DOCK1: variants seen among roughly 807,000 people sequenced by gnomAD.
The protein encoded by DOCK1 is dedicator of cytokinesis 1.
A neutral mutation model predicts 262.7 loss-of-function variants in DOCK1; 138 were observed. The observed-to-expected ratio is 0.53, with a 90% CI of 0.46 to 0.61. The LOEUF is 0.61. DOCK1 is among the 20% of genes least tolerant of loss of function. The pLI is 0.00. For missense variants in DOCK1, 1,908 were observed against 2,370.7 expected (o/e 0.80, Z 4.05); for synonymous variants, 866 against 867.4 (o/e 1.00, Z 0.03).
chr10:127,091,148 A>AT (rs574872380), intron 23 of DOCK1, among the ~76,000 whole-genome samples: 153 of 151,358 alleles, frequency 1.0e-3, no homozygotes, highest in Non-Finnish European at 1.8e-3. Flanking sequence ...CACCTGGCTA[A>AT]TTTTTTTTGC....
At chr10:127,128,308 C>CA (rs1322430257) in intron 27 of DOCK1, among the ~76,000 whole-genome samples, 2 of 148,190 alleles carry the variant, frequency 1.3e-5, no homozygotes, top group Non-Finnish European at 3.0e-5. Flanking sequence ...TTTCCTTCAG[C>CA]AAAAAATGCA....
intron 27 of DOCK1, among the ~76,000 whole-genome samples, chr10:127,170,554 G>A (rs939851166): frequency 3.9e-5 from 6 of 152,170 alleles, no homozygotes; most frequent in Admixed American, 2.0e-4. Context: ...AATGTTTGGC[G>A]TAGGAAATCT....
chr10:127,161,749 C>T (rs547801633), intron 27 of DOCK1, among the ~76,000 whole-genome samples: 5 of 152,306 alleles, frequency 3.3e-5, no homozygotes, highest in Admixed American at 3.3e-4. Flanking sequence ...TGCCAGAACA[C>T]CTGTCTTGCC....
intron 38 of DOCK1, among the ~76,000 whole-genome samples, chr10:127,395,938 C>T (rs2066802550): frequency 6.6e-6 from 1 of 152,200 alleles, no homozygotes. Context: ...AGATGGAGGT[C>T]CTTTCATCCT....
intron 29 of DOCK1, among the ~76,000 whole-genome samples, chr10:127,306,068 G>T (rs1344515012): frequency 6.9e-6 from 1 of 145,408 alleles, no homozygotes; most frequent in Non-Finnish European, 1.5e-5. Flanking sequence ...AAGCTGCAGT[G>T]CAGTGGTGCG....
At chr10:127,304,812 T>C (rs897596325) in intron 29 of DOCK1, among the ~76,000 whole-genome samples, 1 of 151,806 alleles carries the variant, frequency 6.6e-6, no homozygotes, top group African/African-American at 2.4e-5. Flanking sequence ...AGCCCAAGAG[T>C]TCAAGATTGC....
At chr10:127,119,299 A>C (rs922788195) in intron 25 of DOCK1, among the ~76,000 whole-genome samples, 2 of 152,130 alleles carry the variant, frequency 1.3e-5, no homozygotes, top group Non-Finnish European at 2.9e-5. Flanking sequence ...CTCCTGACTC[A>C]GCCTCCCAAG....
chr10:127,226,983 C>A (rs976999667), intron 27 of DOCK1, among the ~76,000 whole-genome samples: 1 of 152,178 alleles, frequency 6.6e-6, no homozygotes. Flanking sequence ...GACACAGGGG[C>A]AGAGACCATG....
At chr10:127,359,444 GAAA>G (rs544202517) in intron 32 of DOCK1, among the ~76,000 whole-genome samples, 181 of 152,330 alleles carry the variant, frequency 1.2e-3, no homozygotes, top group African/African-American at 4.1e-3. Flanking sequence ...TTATGACGCT[GAAA>G]TTGTGGTTGA....
At chr10:127,142,759 C>A (rs563067290) in intron 27 of DOCK1, among the ~76,000 whole-genome samples, 5 of 152,308 alleles carry the variant, frequency 3.3e-5, no homozygotes, top group Non-Finnish European at 7.4e-5. Flanking sequence ...CACTCTGTGC[C>A]CTGGGGCTGT....
At chr10:126,962,184 A>G (rs1418132248) in intron 1 of DOCK1, among the ~76,000 whole-genome samples, 9 of 139,230 alleles carry the variant, frequency 6.5e-5, no homozygotes, top group African/African-American at 2.4e-4. Context: ...TTTGAGATGG[A>G]GTTTCGCTCT....
intron 1 of DOCK1, among the ~76,000 whole-genome samples, chr10:126,963,750 C>T (rs2037463036): frequency 6.6e-6 from 1 of 150,484 alleles, no homozygotes; most frequent in Non-Finnish European, 1.5e-5. Flanking sequence ...AAATAAGATG[C>T]AGATTTTGTC....
intron 48 of DOCK1, among the ~76,000 whole-genome samples, chr10:127,434,656 CTTTT>C (rs34630603): frequency 7.0e-6 from 1 of 143,370 alleles, no homozygotes; most frequent in Non-Finnish European, 1.5e-5. Flanking sequence ...TGTCTACTTT[CTTTT>C]TTTTTTTTTT....
chr10:127,010,804 G>A (rs1055219925), intron 11 of DOCK1, among the ~76,000 whole-genome samples: 3 of 152,222 alleles, frequency 2.0e-5, no homozygotes, highest in African/African-American at 7.2e-5. Flanking sequence ...ATTCTCTCAT[G>A]AGAAATAATG....
intron 23 of DOCK1, among the ~76,000 whole-genome samples, chr10:127,101,937 GT>G (rs202234140): frequency 1.3e-5 from 2 of 151,844 alleles, no homozygotes; most frequent in Admixed American, 6.6e-5. Context: ...AATGTTTTCT[GT>G]TTTTTTTCAA....
rs1296742100 is a variant in DOCK1, at chr10:127,352,573, AT to A, written c.3225-2095del. On this transcript the variant is annotated intron_variant, in intron 31 of 51. Coordinates refer to ENST00000623213, the MANE Select transcript of DOCK1 (RefSeq NM_001290223.2). ...GGGGGCCAGCAAGGCACAGACACTG[AT>A]GAAGTTCAGCCTAGCAGTGGCCAGT... 5.3e-5 allele frequency among the ~76,000 whole-genome samples: 8 copies of A among 152,194 alleles called. No individual in the cohort carries two copies. The East Asian group carries it at 1.2e-3, about 22-fold the overall frequency.
chr10:127,281,600 A>G (rs1253907777), intron 29 of DOCK1, among the ~76,000 whole-genome samples: 1 of 152,086 alleles, frequency 6.6e-6, no homozygotes, highest in Non-Finnish European at 1.5e-5. Context: ...CACATATTAG[A>G]GATGAGGTTC....
chr10:127,382,813 G>T (rs1207243552), intron 37 of DOCK1, among the ~76,000 whole-genome samples: 1 of 152,154 alleles, frequency 6.6e-6, no homozygotes, highest in Admixed American at 6.5e-5. Flanking sequence ...ATATATATGT[G>T]CATAAAGGCA....
rs934435772 is a variant in DOCK1, at chr10:126,929,148, A to G, written c.46+23585A>G. The stretch of plus-strand genomic sequence containing the variant: ...CTGCAATCCAGGATCAGAGCCTCTT[A>G]TGGGCTACATTCCATTGACCTGGAA... On this transcript the variant is annotated intron_variant, in intron 1 of 51. Coordinates refer to ENST00000623213, the MANE Select transcript of DOCK1 (RefSeq NM_001290223.2). 1.2e-3 allele frequency among the ~76,000 whole-genome samples: 183 copies of G among 152,330 alleles called. 2 individuals are homozygous for G. Among genetic ancestry groups the G allele is most frequent in the African/African-American group, 4.3e-3 (178 of 41,576 alleles).
Sources: allele counts gnomAD v4.1 joint callset (sites outside exome capture counted in the v4.1 genomes callset), GRCh38; gene constraint gnomAD v4.1.1; transcripts MANE v1.5; gene names NCBI Gene and HGNC (gene_info 2026-07-23, HGNC 2026-07-21).